Variants in FAM217B observed in about 807,000 individuals in gnomAD.
FAM217B encodes protein FAM217B.
For synonymous variants in FAM217B, 163 were observed against 173.0 expected (o/e 0.94, Z 0.45); for missense variants, 463 against 456.9 (o/e 1.01, Z -0.12).
upstream of FAM217B, chr20:59,938,364 A>T (rs1163473303): frequency 6.6e-6 from 1 of 152,244 alleles, no homozygotes; most frequent in Non-Finnish European, 1.5e-5. Context: ...TAACCAGGAC[A>T]GTCTCAATGC....
In FAM217B at chr20:59,948,045, AAAAG is replaced by A. The variant is rs1339872678; in HGVS notation, c.*2954_*2957del. 1.9e-5 allele frequency: 3 copies of A among 156,774 alleles called. No individual in the cohort carries two copies. The highest frequency in any genetic ancestry group is 6.7e-5 in the Admixed American group (1 of 15,002). 9.7% of individuals were successfully genotyped at this position (156,774 alleles called of 1,614,324 possible). A position where few individuals can be genotyped will look rare whatever the true frequency, so the allele number is the denominator to read the frequency against. The stretch of plus-strand genomic sequence containing the variant: ...AACAATCCAAGTTTCTTTAAAAAAA[AAAAG>A]AAAAAGAAAAAGAAAAAGAAAAATA... On this transcript the variant is annotated 3_prime_UTR_variant, in exon 4 of 4. Transcript: ENST00000360816.
At position 59,944,217 on chromosome 20, in the gene FAM217B, G is replaced by C; in HGVS notation, c.274G>C (p.Asp92His). 6.2e-7 allele frequency: 1 copy of C among 1,614,194 alleles called. No homozygotes were observed. Among genetic ancestry groups the C allele is most frequent in the Non-Finnish European group, 8.5e-7 (1 of 1,180,032 alleles). ...MKIIKENADE[D>H]SASDLSDSER... ...AATTATTAAAGAGAATGCTGATGAGGACAGTGCAAGTGATCTCTCTGATTC... is the reference window on the plus strand; with the variant it reads ...AATTATTAAAGAGAATGCTGATGAGCACAGTGCAAGTGATCTCTCTGATTC... The change falls in exon 4 of 4, where the codon GAC becomes CAC. Residue 92 changes from aspartate (D) to histidine (H), a missense_variant. Physicochemically the swap from Asp to His is moderately conservative, Grantham distance 81. Transcript: ENST00000360816.
chr20:59,944,685 CGAAA>C lies in FAM217B; in HGVS notation c.748_751del (p.Lys250LeufsTer38), dbSNP rs1470615242. 3.7e-6 allele frequency: 6 copies of C among 1,613,948 alleles called. No individual in the cohort carries two copies. Among genetic ancestry groups the C allele is most frequent in the South Asian group, 3.3e-5 (3 of 91,082 alleles). On this transcript the variant is annotated frameshift_variant, in exon 4 of 4. Transcript: ENST00000360816. LOFTEE classifies it low-confidence loss of function (END_TRUNC). ...AGGGGCTTCAAAGTCAGGCCCTTCC[CGAAA>C]GAAAGCTTTTCACCATGAAGAAATC...
At chr20:59,943,061 C>T (rs1428527191) in intron 3 of FAM217B, among the ~76,000 whole-genome samples, 3 of 152,214 alleles carry the variant, frequency 2.0e-5, no homozygotes, top group African/African-American at 7.2e-5. Context: ...CATTTCTATT[C>T]ATTCTATCTG....
At chr20:59,938,846 A>C, upstream of FAM217B, 1 of 490,886 alleles carries the variant, frequency 2.0e-6, no homozygotes, top group South Asian at 6.3e-5. Context: ...TTTTTAGACC[A>C]AGTGACTCAG....
In FAM217B at chr20:59,943,933, C is replaced by G; in HGVS notation, c.-4-7C>G. On this transcript the variant is annotated splice_region_variant and splice_polypyrimidine_tract_variant and intron_variant, in intron 3 of 3. Coordinates refer to ENST00000360816, the MANE Select transcript of FAM217B (RefSeq NM_022106.3). ...GTGGTAAGAATTGCAGTTTTATTTT[C>G]TCACAGCAATATGAATGCTGGCCCA... 6.4e-7 allele frequency: 1 copy of G among 1,569,924 alleles called. No homozygotes were observed. The highest frequency in any genetic ancestry group is 8.6e-7 in the Non-Finnish European group (1 of 1,160,244).
upstream of FAM217B, chr20:59,939,008 C>T: frequency 6.7e-7 from 1 of 1,491,192 alleles, no homozygotes; most frequent in Admixed American, 2.2e-5. Flanking sequence ...TGTGGAGGCT[C>T]CAGGTGGCCG....
rs1222373084 is a variant in FAM217B, at chr20:59,942,070, A to C, written c.-202-128A>C. 3 of 152,532 alleles carry C rather than the reference A, an allele frequency of 2.0e-5. No individual in the cohort carries two copies. In the East Asian group the frequency reaches 5.8e-4, roughly 29 times the overall value. 9.4% of individuals were successfully genotyped at this position (152,532 alleles called of 1,614,324 possible). A position where few individuals can be genotyped will look rare whatever the true frequency, so the allele number is the denominator to read the frequency against. The stretch of plus-strand genomic sequence containing the variant: ...TATTTCATAACCTAGAGTGCAAACC[A>C]CTATATGATCACAGCCTTAATATTT... On this transcript the variant is annotated intron_variant, in intron 1 of 3. Coordinates refer to ENST00000360816, the MANE Select transcript of FAM217B (RefSeq NM_022106.3).
chr20:59,939,204 G>A (rs753780608), upstream of FAM217B: 4 of 1,609,778 alleles, frequency 2.5e-6, no homozygotes, highest in African/African-American at 4.0e-5. Context: ...CAGGAAGGGC[G>A]GTACTGGAAA....
intron 1 of FAM217B, among the ~76,000 whole-genome samples, 151 bp downstream of exon 1, chr20:59,940,686 T>C (rs2145948610): frequency 6.6e-6 from 1 of 152,308 alleles, no homozygotes; most frequent in African/African-American, 2.4e-5. Context: ...AAAACCGGCC[T>C]TGCCAGGAGC....
chr20:59,939,933 G>T, upstream of FAM217B: 1 of 1,262,980 alleles, frequency 7.9e-7, no homozygotes, highest in South Asian at 3.9e-5. Context: ...TCTGGACATG[G>T]CCCCGCCGGC....
chr20:59,939,776 C>A (rs532873427), upstream of FAM217B: 26 of 1,223,170 alleles, frequency 2.1e-5, no homozygotes, highest in Non-Finnish European at 2.6e-5. Flanking sequence ...CTGGCGTTGG[C>A]GGCGGCGCGC....
upstream of FAM217B, chr20:59,936,982 T>G (rs1042764284): frequency 6.6e-6 from 1 of 152,648 alleles, no homozygotes; most frequent in African/African-American, 2.4e-5. Flanking sequence ...GGTCTGAAAG[T>G]TCTCCTTCAG....
Position 59,944,892 on chromosome 20 carries a change from G to A in FAM217B, c.949G>A (p.Val317Met), listed in dbSNP as rs540082665. 5.6e-6 allele frequency: 9 copies of A among 1,614,182 alleles called. No individual in the cohort carries two copies. In the East Asian group the frequency reaches 1.3e-4, roughly 24 times the overall value. Residue 317 changes from valine (V) to methionine (M), a missense_variant, in exon 4 of 4, where the codon GTG (valine) becomes ATG (methionine). Physicochemically the swap from Val to Met is conservative, Grantham distance 21 (BLOSUM62 1). Coordinates refer to ENST00000360816, the MANE Select transcript of FAM217B (RefSeq NM_022106.3). ...GTCCGGCAGTGGAAGCAGCTCTAAG[G>A]TGGAAACCAGCGGTCACATTCGAGT... ...DLSGSGSSSK[V>M]ETSGHIRVPK...
chr20:59,941,703 G>A (rs2060906213), intron 1 of FAM217B, among the ~76,000 whole-genome samples: 1 of 152,210 alleles, frequency 6.6e-6, no homozygotes, highest in Non-Finnish European at 1.5e-5. Context: ...AATTGAATGG[G>A]AACGTTCCTC....
At chr20:59,940,001 C>T, upstream of FAM217B, 1 of 1,201,006 alleles carries the variant, frequency 8.3e-7, no homozygotes. Context: ...CAGCTCCCTC[C>T]GTGCTCAGAA....
chr20:59,939,403 C>T, upstream of FAM217B: 1 of 1,610,468 alleles, frequency 6.2e-7, no homozygotes, highest in Non-Finnish European at 8.5e-7. Flanking sequence ...TCCAGGCACA[C>T]GAGCTGCCGC....
At position 59,947,113 on chromosome 20, in the gene FAM217B, G is replaced by A. The variant is rs1192827534; in HGVS notation, c.*2018G>A. ...CTGCCTTTCCCCGTCATGTATCCAT[G>A]TGCATGCTCTTAGAGACCTTGAATG... On this transcript the variant is annotated 3_prime_UTR_variant, in exon 4 of 4. Coordinates refer to ENST00000360816, the MANE Select transcript of FAM217B (RefSeq NM_022106.3). The A allele has an allele frequency of 6.0e-6, 1 of 167,120 alleles. No homozygotes were observed. Among genetic ancestry groups the A allele is most frequent in the Non-Finnish European group, 1.5e-5 (1 of 68,154 alleles). The allele number at this position is 167,120 out of a possible 1,614,324, so 10.4% of individuals were successfully genotyped here. A position where few individuals can be genotyped will look rare whatever the true frequency, so the allele number is the denominator to read the frequency against.
At chr20:59,938,400 T>C (rs2060874653), upstream of FAM217B, 1 of 152,240 alleles carries the variant, frequency 6.6e-6, no homozygotes, top group Non-Finnish European at 1.5e-5. Context: ...TGATGACTGA[T>C]AAAGCAGAAA....
Sources: gnomAD v4.1 joint callset for allele counts (sites outside exome capture counted in the v4.1 genomes callset) on GRCh38, gnomAD v4.1.1 for gene constraint, MANE v1.5 for transcripts, NCBI Gene and HGNC (gene_info 2026-07-23, HGNC 2026-07-21) for gene names.